VANGL1: variants seen among roughly 807,000 people sequenced by gnomAD.
VANGL1 encodes the protein vang-like protein 1.
VANGL1 carries 18 observed loss-of-function variants against 48.4 expected under a neutral mutation model. That is an observed-to-expected ratio of 0.37 (90% CI 0.26 to 0.55). VANGL1 has a LOEUF of 0.55. Ranked by LOEUF, VANGL1 falls within the 20% of genes least tolerant of loss-of-function variation. VANGL1 has a pLI of 0.81. For missense variants in VANGL1, 667 were observed against 675.8 expected (o/e 0.99, Z 0.14); for synonymous variants, 257 against 261.8 (o/e 0.98, Z 0.18).
intron 1 of VANGL1, 103 bp from the exon 2 acceptor site, chr1:115,651,174 G>C: frequency 3.8e-6 from 2 of 527,334 alleles, no homozygotes; most frequent in Non-Finnish European, 6.8e-6. Context: ...CTTGTTCCAT[G>C]ATAGAGACCC....
At chr1:115,660,056 C>T (rs1298491426) in intron 3 of VANGL1, among the ~76,000 whole-genome samples, 1 of 152,048 alleles carries the variant, frequency 6.6e-6, no homozygotes, top group African/African-American at 2.4e-5. Context: ...TGAAGTCTCC[C>T]ACGACTCATT....
At chr1:115,672,338 G>T (rs890353565) in intron 4 of VANGL1, among the ~76,000 whole-genome samples, 5 of 152,146 alleles carry the variant, frequency 3.3e-5, no homozygotes, top group Non-Finnish European at 7.4e-5. Flanking sequence ...AGCCAGGTAC[G>T]CTTTCCAGCC....
At chr1:115,646,134 A>C (rs180949843) in intron 1 of VANGL1, among the ~76,000 whole-genome samples, 60 of 152,264 alleles carry the variant, frequency 3.9e-4, no homozygotes, top group African/African-American at 1.4e-3. Context: ...ATTCTGTTTG[A>C]GGCTGATTAT....
intron 3 of VANGL1, among the ~76,000 whole-genome samples, chr1:115,662,001 A>G (rs1652575334): frequency 6.6e-6 from 1 of 152,238 alleles, no homozygotes. Context: ...TTAGATTTAT[A>G]TGAAACCGCC....
Position 115,681,913 on chromosome 1 carries a change from A to G in VANGL1, c.813-451A>G, listed in dbSNP as rs1460856711. ...ACCCAGGGATACCAAGGCCTAGGGG[A>G]CAAAACCCTGAATGAGGACCTGAGA... On this transcript the variant is annotated intron_variant, in intron 4 of 7. Coordinates refer to ENST00000355485, the MANE Select transcript of VANGL1 (RefSeq NM_138959.3). Among the ~76,000 whole-genome samples, 3 of 152,226 alleles carry G rather than the reference A, an allele frequency of 2.0e-5. No individual in the cohort carries two copies. The East Asian group carries it at 5.8e-4, about 29-fold the overall frequency.
At chr1:115,679,714 A>T (rs1653305426) in intron 4 of VANGL1, among the ~76,000 whole-genome samples, 2 of 152,158 alleles carry the variant, frequency 1.3e-5, no homozygotes, top group Non-Finnish European at 2.9e-5. Context: ...CAACCACAAG[A>T]TAGTTTTGAG....
At chr1:115,652,281 G>T (rs1288311514) in intron 2 of VANGL1, among the ~76,000 whole-genome samples, 1 of 152,198 alleles carries the variant, frequency 6.6e-6, no homozygotes, top group Non-Finnish European at 1.5e-5. Flanking sequence ...AAATTAGCAG[G>T]TGTGCACTGG....
Position 115,695,651 on chromosome 1 carries a change from T to G in VANGL1, c.*4272T>G, listed in dbSNP as rs777221691. On this transcript the variant is annotated 3_prime_UTR_variant, in exon 8 of 8. Transcript: ENST00000355485. ...GGCTACTAACACATTTATCAGGTAA[T>G]GTATGTCACAGTCCGTGTTCCACCC... is the stretch of plus-strand genomic sequence containing the variant. 1.5e-4 allele frequency: 23 copies of G among 152,224 alleles called. No homozygotes were observed. Among genetic ancestry groups the G allele is most frequent in the Non-Finnish European group, 2.9e-4 (20 of 68,044 alleles). 9.4% of individuals were successfully genotyped at this position (152,224 alleles called of 1,614,324 possible).
intron 4 of VANGL1, 31 bp downstream of exon 4, chr1:115,664,299 A>T (rs1456724320): frequency 1.2e-6 from 2 of 1,609,516 alleles, no homozygotes; most frequent in Admixed American, 3.4e-5. Flanking sequence ...GGCAGAAAGG[A>T]TGGCTGATGT....
At chr1:115,665,724 A>G (rs1652755100) in intron 4 of VANGL1, among the ~76,000 whole-genome samples, 1 of 152,234 alleles carries the variant, frequency 6.6e-6, no homozygotes, top group Non-Finnish European at 1.5e-5. Flanking sequence ...TCCTTCACAG[A>G]TGCCTGTAGG....
chr1:115,662,856 A>G (rs1021336304), intron 3 of VANGL1, among the ~76,000 whole-genome samples: 2 of 149,176 alleles, frequency 1.3e-5, no homozygotes, highest in African/African-American at 2.5e-5. Flanking sequence ...GCACGATCTC[A>G]GCTCACTGCA....
rs571125198 is a variant in VANGL1 at position 115,697,270 on chromosome 1, A to G, written c.*5891A>G. The stretch of plus-strand genomic sequence containing the variant: ...TAGGGGCCTTGTAGAAAGATGAAAC[A>G]GTTGTTTTTCATTTACCAGCACCTC... On this transcript the variant is annotated 3_prime_UTR_variant, in exon 8 of 8. Transcript: ENST00000355485. 1.2e-4 allele frequency: 18 copies of G among 152,298 alleles called. No homozygotes were observed. Among genetic ancestry groups the G allele is most frequent in the African/African-American group, 4.1e-4 (17 of 41,564 alleles). 9.4% of individuals were successfully genotyped at this position (152,298 alleles called of 1,614,324 possible).
At chr1:115,647,016 G>A (rs1651966199) in intron 1 of VANGL1, among the ~76,000 whole-genome samples, 1 of 152,238 alleles carries the variant, frequency 6.6e-6, no homozygotes, top group Non-Finnish European at 1.5e-5. Flanking sequence ...GGCTAGAGAA[G>A]GAGGAGGGAG....
intron 1 of VANGL1, among the ~76,000 whole-genome samples, chr1:115,645,973 T>A (rs6685321): frequency 0.24 from 35,865 of 152,094 alleles, 6,922 homozygotes; most frequent in African/African-American, 0.54. Context: ...GAGCTGTTGA[T>A]GTTTTTATAA....
At chr1:115,683,379 A>G (rs1653464023) in intron 5 of VANGL1, among the ~76,000 whole-genome samples, 3 of 152,188 alleles carry the variant, frequency 2.0e-5, no homozygotes, top group Non-Finnish European at 4.4e-5. Flanking sequence ...GTCTGTATTC[A>G]TTAACGGGTC....
rs1654079814 is a variant in VANGL1, at chr1:115,697,649, A to ACCT, written c.*6270_*6271insCCT. On this transcript the variant is annotated 3_prime_UTR_variant, in exon 8 of 8. Transcript: ENST00000355485. ...CTGGGCCAGGCAGGTCTTATTTGAG[A>ACCT]GGAGATTATTTGATAATTGCTTTGG... 1.3e-5 allele frequency: 2 copies of ACCT among 152,196 alleles called. No homozygotes were observed. Among genetic ancestry groups the ACCT allele is most frequent in the Non-Finnish European group, 2.9e-5 (2 of 68,032 alleles). 9.4% of individuals were successfully genotyped at this position (152,196 alleles called of 1,614,324 possible).
At chr1:115,655,558 C>T (rs967266218) in intron 2 of VANGL1, among the ~76,000 whole-genome samples, 12 of 152,078 alleles carry the variant, frequency 7.9e-5, no homozygotes, top group African/African-American at 1.9e-4. Flanking sequence ...GATAAAGATA[C>T]GAAGAAAAAC....
At chr1:115,658,048 G>C (rs1652412323) in intron 2 of VANGL1, among the ~76,000 whole-genome samples, 1 of 152,196 alleles carries the variant, frequency 6.6e-6, no homozygotes, top group Non-Finnish European at 1.5e-5. Context: ...CTCCAGCACT[G>C]GGGATTACAA....
At chr1:115,672,977 C>T (rs997478988) in intron 4 of VANGL1, among the ~76,000 whole-genome samples, 2 of 152,312 alleles carry the variant, frequency 1.3e-5, no homozygotes, top group East Asian at 3.9e-4. Context: ...TTCTGGGAAG[C>T]AGCAGGTGGG....
Sources: gnomAD v4.1 joint callset for allele counts (sites outside exome capture counted in the v4.1 genomes callset) on GRCh38, gnomAD v4.1.1 for gene constraint, MANE v1.5 for transcripts, NCBI Gene and HGNC (gene_info 2026-07-23, HGNC 2026-07-21) for gene names.